Variants in BMPR2 observed in about 807,000 individuals in gnomAD.
BMPR2 encodes bone morphogenetic protein receptor type 2.
Under a neutral mutation model 100.8 loss-of-function variants are expected in BMPR2, and 29 were observed. The observed-to-expected ratio is 0.29, with a 90% CI of 0.21 to 0.39. The LOEUF (loss-of-function observed/expected upper bound fraction) is 0.39. Among genes scored for constraint, BMPR2 ranks in the 10% least tolerant of loss-of-function variants. The pLI is 1.00. For synonymous variants in BMPR2, 382 were observed against 442.3 expected (o/e 0.86, Z 1.71); for missense variants, 1,011 against 1,274.5 (o/e 0.79, Z 3.15).
rs568926416 is a variant in BMPR2 at position 202,504,355 on chromosome 2, G to A, written c.419-9364G>A. ...CTGCAGCTTCACTCCTGAAGCCAGCGAGACCAGGAGCCCACCAGGAGGAAT... is the reference window on the plus strand; with the variant it reads ...CTGCAGCTTCACTCCTGAAGCCAGCAAGACCAGGAGCCCACCAGGAGGAAT... On this transcript the variant is annotated intron_variant, in intron 3 of 12. Coordinates refer to ENST00000374580, the MANE Select transcript of BMPR2 (RefSeq NM_001204.7). 3.6e-4 allele frequency among the ~76,000 whole-genome samples: 54 copies of A among 152,020 alleles called. 1 individual carries two copies. In the South Asian group the frequency reaches 6.7e-3, roughly 19 times the overall value.
intron 11 of BMPR2, 51 bp from the exon 12 acceptor site, chr2:202,555,201 G>A (rs1688541833): frequency 1.3e-6 from 2 of 1,518,034 alleles, no homozygotes; most frequent in African/African-American, 2.7e-5. Context: ...TGGAGAGACA[G>A]TTTGTCATAA....
At position 202,454,762 on chromosome 2, in the gene BMPR2, C is replaced by T. The variant is rs187853668; in HGVS notation, c.77-10047C>T. Among the ~76,000 whole-genome samples the T allele has an allele frequency of 1.8e-3, 279 of 152,272 alleles. 3 individuals carry two copies. Among genetic ancestry groups the T allele is most frequent in the African/African-American group, 6.7e-3 (277 of 41,546 alleles). Reference sequence around the variant, plus strand: ...TATTTATATAAACTCTCTAGAGCTGCACTATCTAAAATAGCACTAGAGACA... The same window carrying T: ...TATTTATATAAACTCTCTAGAGCTGTACTATCTAAAATAGCACTAGAGACA... On this transcript the variant is annotated intron_variant, in intron 1 of 12. Transcript: ENST00000374580.
At chr2:202,501,757 C>G (rs1221791724) in intron 3 of BMPR2, among the ~76,000 whole-genome samples, 2 of 152,222 alleles carry the variant, frequency 1.3e-5, no homozygotes, top group East Asian at 3.8e-4. Context: ...TACTTAGATA[C>G]CAGGCACTAC....
At chr2:202,430,448 G>A (rs768968971) in intron 1 of BMPR2, among the ~76,000 whole-genome samples, 3 of 152,160 alleles carry the variant, frequency 2.0e-5, no homozygotes, top group Non-Finnish European at 4.4e-5. Context: ...ATGTGGAATT[G>A]TTGAATATGT....
chr2:202,446,691 G>A (rs1042107289), intron 1 of BMPR2, among the ~76,000 whole-genome samples: 1 of 146,412 alleles, frequency 6.8e-6, no homozygotes, highest in Non-Finnish European at 1.5e-5. Context: ...TTGCTCTGTT[G>A]CTCAGGCTGG....
chr2:202,502,570 A>C (rs1687417032), intron 3 of BMPR2, among the ~76,000 whole-genome samples: 1 of 152,224 alleles, frequency 6.6e-6, no homozygotes, highest in Admixed American at 6.5e-5. Context: ...TATTCTACTT[A>C]TGTGGATCTT....
intron 3 of BMPR2, among the ~76,000 whole-genome samples, chr2:202,482,109 C>G (rs1463620854): frequency 6.6e-6 from 1 of 152,166 alleles, no homozygotes; most frequent in East Asian, 1.9e-4. Flanking sequence ...GCTCATTTCA[C>G]TTAGCATAGT....
chr2:202,502,875 T>C (rs1687427471), intron 3 of BMPR2, among the ~76,000 whole-genome samples: 1 of 152,242 alleles, frequency 6.6e-6, no homozygotes. Context: ...ACATGGCTTC[T>C]CCCCTTTCTA....
At chr2:202,402,627 A>G (rs943880313) in intron 1 of BMPR2, among the ~76,000 whole-genome samples, 1 of 151,796 alleles carries the variant, frequency 6.6e-6, no homozygotes, top group East Asian at 1.9e-4. Context: ...ATAAGAAACA[A>G]TACTGATAGC....
At chr2:202,428,577 GT>G (rs369724816) in intron 1 of BMPR2, among the ~76,000 whole-genome samples, 1 of 147,846 alleles carries the variant, frequency 6.8e-6, no homozygotes, top group Non-Finnish European at 1.5e-5. Context: ...TTTTAAAAAA[GT>G]TTTTTTTTTG....
chr2:202,468,231 C>A (rs965578804), intron 3 of BMPR2, among the ~76,000 whole-genome samples: 2 of 151,926 alleles, frequency 1.3e-5, no homozygotes, highest in African/African-American at 4.8e-5. Context: ...AATTTCAGCA[C>A]TTTAGGAGGC....
intron 1 of BMPR2, among the ~76,000 whole-genome samples, chr2:202,421,113 T>C (rs963359070): frequency 6.6e-6 from 1 of 151,610 alleles, no homozygotes; most frequent in African/African-American, 2.4e-5. Context: ...TAGCCGAGCA[T>C]GGTGGCACAC....
intron 3 of BMPR2, among the ~76,000 whole-genome samples, chr2:202,510,679 T>C (rs933486203): frequency 3.3e-5 from 5 of 152,086 alleles, no homozygotes; most frequent in Non-Finnish European, 7.3e-5. Context: ...TTTTTTTTGT[T>C]TATTTGTTTG....
chr2:202,507,612 C>T (rs888305110), intron 3 of BMPR2, among the ~76,000 whole-genome samples: 3 of 152,130 alleles, frequency 2.0e-5, no homozygotes, highest in Non-Finnish European at 4.4e-5. Flanking sequence ...TGATCTCAAG[C>T]TCCTGGCCTA....
At chr2:202,510,329 AT>A (rs1687596066) in intron 3 of BMPR2, among the ~76,000 whole-genome samples, 1 of 152,164 alleles carries the variant, frequency 6.6e-6, no homozygotes, top group Admixed American at 6.5e-5. Flanking sequence ...AGGCAGAAAA[AT>A]CACTTGAACC....
intron 1 of BMPR2, among the ~76,000 whole-genome samples, chr2:202,409,218 A>G (rs1258666275): frequency 6.6e-6 from 1 of 152,102 alleles, no homozygotes; most frequent in Non-Finnish European, 1.5e-5. Flanking sequence ...GGTGGTGCAC[A>G]CCTGTAATCA....
intron 1 of BMPR2, among the ~76,000 whole-genome samples, chr2:202,435,691 C>T (rs996401680): frequency 6.7e-6 from 1 of 149,948 alleles, no homozygotes; most frequent in Non-Finnish European, 1.5e-5. Flanking sequence ...AAGCTCCATT[C>T]ATGGTAAGTG....
At chr2:202,434,879 CAAAAAAAAAAA>C (rs1172617261) in intron 1 of BMPR2, among the ~76,000 whole-genome samples, 4 of 48,918 alleles carry the variant, frequency 8.2e-5, no homozygotes, top group Admixed American at 4.0e-4. Flanking sequence ...GACTCTGTCT[CAAAAAAAAAAA>C]AAAAAAAAAA....
intron 9 of BMPR2, among the ~76,000 whole-genome samples, chr2:202,536,553 T>C (rs1316316943): frequency 6.6e-6 from 1 of 152,164 alleles, no homozygotes. Context: ...TTTCTGAAAA[T>C]AGCAGTAATT....
Sources: gnomAD v4.1 joint callset for allele counts (sites outside exome capture counted in the v4.1 genomes callset) on GRCh38, gnomAD v4.1.1 for gene constraint, MANE v1.5 for transcripts, NCBI Gene and HGNC (gene_info 2026-07-23, HGNC 2026-07-21) for gene names.